Variants in GARS1 observed in about 807,000 individuals in gnomAD.
GARS1 encodes the protein glycine--tRNA ligase.
Under a neutral mutation model 86.4 loss-of-function variants are expected in GARS1, and 46 were observed. The observed-to-expected ratio is 0.53, with a 90% CI of 0.42 to 0.68. The LOEUF is 0.68. Ranked by LOEUF, GARS1 falls within the 30% of genes least tolerant of loss-of-function variation. The probability of loss-of-function intolerance (pLI) is 0.00; values close to 1 mark genes in which losing one functional copy is unlikely to be tolerated. For missense variants in GARS1, 797 were observed against 915.6 expected (o/e 0.87, Z 1.67); for synonymous variants, 342 against 329.8 (o/e 1.04, Z -0.40).
At position 30,618,294 on chromosome 7, in the gene GARS1, C is replaced by G. The variant is rs193272144; in HGVS notation, c.1359+1016C>G. Among the ~76,000 whole-genome samples, 38 of 152,188 alleles carry G rather than the reference C, an allele frequency of 2.5e-4. 1 individual carries two copies. In the East Asian group the frequency reaches 7.2e-3, roughly 29 times the overall value. On this transcript the variant is annotated intron_variant, in intron 10 of 16. Coordinates refer to ENST00000389266, the MANE Select transcript of GARS1 (RefSeq NM_002047.4). ...TTTTTAGCTTTATGAGTCTCTGTCA[C>G]ATAACTTTGTTGTTTTTTACAGCTT...
Position 30,603,006 on chromosome 7 carries a change from CAA to C in GARS1, c.570-26_570-25del, listed in dbSNP as rs748487779. 2.1e-5 allele frequency: 31 copies of C among 1,487,610 alleles called. No homozygotes were observed. The East Asian group carries it at 7.0e-4, about 34-fold the overall frequency. 92.2% of individuals were successfully genotyped at this position (1,487,610 alleles called of 1,614,324 possible). A position where few individuals can be genotyped will look rare whatever the true frequency, so the allele number is the denominator to read the frequency against. ...CTATGTGTAATTTGTATGAGAATGACAAATTGGGTTGGCATTTGTTAATTTAG... is the reference window on the plus strand; with the variant it reads ...CTATGTGTAATTTGTATGAGAATGACATTGGGTTGGCATTTGTTAATTTAG... On this transcript the variant is annotated intron_variant, in intron 4 of 16. Coordinates refer to ENST00000389266, the MANE Select transcript of GARS1 (RefSeq NM_002047.4).
rs1783005698 is a variant in GARS1 at position 30,621,463 on chromosome 7, A to G, written c.1430A>G (p.Lys477Arg). Residue 477 changes from lysine to arginine, a missense_variant, in exon 11 of 17, where the codon AAA becomes AGA. By Grantham distance (26) the Lys-to-Arg change is conservative. Transcript: ENST00000389266. ...YDLSCHARAT[K>R]VPLVAEKPLK... Reference sequence around the variant, plus strand: ...CTCTCCTGTCATGCACGAGCCACCAAAGTCCCACTTGTAGCTGAGAAACCT... The same window carrying G: ...CTCTCCTGTCATGCACGAGCCACCAGAGTCCCACTTGTAGCTGAGAAACCT... 4 of 1,614,162 alleles carry G rather than the reference A, an allele frequency of 2.5e-6. No individual in the cohort carries two copies. Among genetic ancestry groups the G allele is most frequent in the Admixed American group, 3.3e-5 (2 of 60,020 alleles).
At position 30,599,987 on chromosome 7, in the gene GARS1, C is replaced by A. The variant is rs1316239404; in HGVS notation, c.365C>A (p.Ala122Glu). Residue 122 changes from alanine (A) to glutamate (E), a missense_variant, in exon 3 of 17, where the codon GCA becomes GAA. Around this residue, in one of 2 missense-constraint regions of GARS1, gnomAD observed 199 missense variants for 176.9 expected, o/e 1.12. Coordinates refer to ENST00000389266, the MANE Select transcript of GARS1 (RefSeq NM_002047.4). Reference sequence around the variant, plus strand: ...CCCAAAGATGATATTGTAGACCGAGCAAAAATGGAAGATACCCTGAAGAGG... The same window carrying A: ...CCCAAAGATGATATTGTAGACCGAGAAAAAATGGAAGATACCCTGAAGAGG... The part of the protein sequence containing the change: ...LQPKDDIVDR[A>E]KMEDTLKRRF... 1 of 1,613,820 alleles carries A rather than the reference C, an allele frequency of 6.2e-7. No homozygotes were observed. The highest frequency in any genetic ancestry group is 8.5e-7 in the Non-Finnish European group (1 of 1,179,884).
intron 12 of GARS1, among the ~76,000 whole-genome samples, chr7:30,625,224 G>A (rs2128135522): frequency 6.6e-6 from 1 of 152,314 alleles, no homozygotes; most frequent in South Asian, 2.1e-4. Context: ...GATTACAGGT[G>A]TGAGCCACCT....
chr7:30,602,979 A>AT (rs1697734057), intron 4 of GARS1, 55 bp from the exon 5 acceptor site: 8 of 1,138,948 alleles, frequency 7.0e-6, no homozygotes, highest in African/African-American at 1.5e-5. Flanking sequence ...ATAAGGTAAT[A>AT]TCTATGTGTA....
chr7:30,621,600 T>C, intron 11 of GARS1, 100 bp downstream of exon 11: 1 of 875,600 alleles, frequency 1.1e-6, no homozygotes, highest in Non-Finnish European at 2.0e-6. Context: ...TAAATGGAGA[T>C]GTTTTAGACA....
intron 12 of GARS1, among the ~76,000 whole-genome samples, chr7:30,625,961 C>A (rs1783119894): frequency 6.6e-6 from 1 of 152,072 alleles, no homozygotes; most frequent in African/African-American, 2.4e-5. Flanking sequence ...GATTCAAAAC[C>A]AAAGGAATTT....
chr7:30,624,433 A>G (rs774086204), intron 12 of GARS1, among the ~76,000 whole-genome samples: 15 of 152,258 alleles, frequency 9.9e-5, no homozygotes, highest in Non-Finnish European at 1.6e-4. Flanking sequence ...TTAAAGTAAT[A>G]TGGAATTTAT....
At chr7:30,603,651 C>T (rs910310975) in intron 6 of GARS1, 79 bp downstream of exon 6, 2 of 1,004,058 alleles carry the variant, frequency 2.0e-6, no homozygotes, top group Non-Finnish European at 3.2e-6. Context: ...TGTTGCATTT[C>T]CCATTATGCT....
At chr7:30,628,398 TG>T in intron 13 of GARS1, 161 bp from the exon 14 acceptor site, 1 of 541,526 alleles carries the variant, frequency 1.8e-6, no homozygotes, top group Non-Finnish European at 3.6e-6. Context: ...TTGGTCAGGC[TG>T]GTCTCGAACT....
chr7:30,614,688 A>G (rs2709771), intron 8 of GARS1, among the ~76,000 whole-genome samples: 1,683 of 152,160 alleles, frequency 0.011, 12 homozygotes, highest in Admixed American at 0.021. Flanking sequence ...CATCCTGGCT[A>G]ACACAGTGAA....
chr7:30,614,510 T>C (rs1371941485), intron 8 of GARS1, among the ~76,000 whole-genome samples: 17 of 152,210 alleles, frequency 1.1e-4, no homozygotes, highest in Non-Finnish European at 1.5e-5. Flanking sequence ...GTTTCCTAGT[T>C]GTTGAAAGAC....
intron 1 of GARS1, among the ~76,000 whole-genome samples, chr7:30,595,555 T>G (rs1359181119): frequency 6.6e-6 from 1 of 152,206 alleles, no homozygotes; most frequent in African/African-American, 2.4e-5. Flanking sequence ...TTGTGCACCC[T>G]GGGTGGAAAG....
chr7:30,628,522 T>G, intron 13 of GARS1, 38 bp from the exon 14 acceptor site: 1 of 1,400,458 alleles, frequency 7.1e-7, no homozygotes. Flanking sequence ...TTATGTGGTA[T>G]TTGAGAGAAT....
intron 11 of GARS1, chr7:30,622,111 CT>C (rs1174959314): frequency 2.0e-5 from 12 of 601,332 alleles, no homozygotes. Context: ...GGAAAAGTTT[CT>C]ATTGATGGTG....
intron 6 of GARS1, among the ~76,000 whole-genome samples, chr7:30,604,698 G>C (rs1240046552): frequency 6.6e-6 from 1 of 152,002 alleles, no homozygotes; most frequent in South Asian, 2.1e-4. Flanking sequence ...CATTGTTTTA[G>C]TAATTACTCA....
chr7:30,633,320 A>G (rs901381589), intron 16 of GARS1, among the ~76,000 whole-genome samples: 2 of 152,214 alleles, frequency 1.3e-5, no homozygotes, highest in African/African-American at 4.8e-5. Context: ...AGTTTTAGCA[A>G]GACCTCCAGA....
At chr7:30,607,022 G>A (rs1299598525) in intron 6 of GARS1, among the ~76,000 whole-genome samples, 2 of 152,118 alleles carry the variant, frequency 1.3e-5, no homozygotes, top group Non-Finnish European at 2.9e-5. Flanking sequence ...GTCTCAGAAT[G>A]ACAATACCAA....
intron 4 of GARS1, among the ~76,000 whole-genome samples, chr7:30,601,907 T>C (rs1407118472): frequency 4.2e-5 from 6 of 143,824 alleles, no homozygotes; most frequent in East Asian, 4.3e-4. Flanking sequence ...GCCTCCCAAG[T>C]AGCTGGGACT....
Sources: allele counts gnomAD v4.1 joint callset (sites outside exome capture counted in the v4.1 genomes callset), GRCh38; gene constraint gnomAD v4.1.1; regional missense constraint gnomAD v4.1.1; transcripts MANE v1.5; gene names NCBI Gene and HGNC (gene_info 2026-07-23, HGNC 2026-07-21).